Variants in BPI observed in about 807,000 individuals in gnomAD.
BPI encodes bactericidal permeability increasing protein.
Under a neutral mutation model 57.6 loss-of-function variants are expected in BPI, and 48 were observed. That is an observed-to-expected ratio of 0.83 (90% CI 0.66 to 1.06). The LOEUF is 1.06. Among genes scored for constraint, BPI ranks in the 50% least tolerant of loss-of-function variants. The pLI is 0.00. For synonymous variants in BPI, 237 were observed against 238.2 expected (o/e 0.99, Z 0.05); for missense variants, 651 against 609.7 (o/e 1.07, Z -0.71).
intron 3 of BPI, among the ~76,000 whole-genome samples, 163 bp downstream of exon 3, chr20:38,309,221 C>A (rs1169672424): frequency 6.6e-6 from 1 of 152,190 alleles, no homozygotes; most frequent in African/African-American, 2.4e-5. Flanking sequence ...TCAACATAAC[C>A]CTTGATTAAT....
chr20:38,336,903 C>T (rs1003951122), intron 14 of BPI, among the ~76,000 whole-genome samples: 2 of 152,086 alleles, frequency 1.3e-5, no homozygotes, highest in African/African-American at 4.8e-5. Context: ...TAAAACAGCC[C>T]GGGGGGTCTC....
At chr20:38,325,492 G>A (rs531026692) in intron 9 of BPI, among the ~76,000 whole-genome samples, 16 of 152,162 alleles carry the variant, frequency 1.1e-4, no homozygotes, top group East Asian at 1.9e-4. Flanking sequence ...GCATGGTGGC[G>A]GGTGGGAGAG....
chr20:38,321,735 A>C (rs2076686716), intron 7 of BPI: 1 of 152,180 alleles, frequency 6.6e-6, no homozygotes, highest in Non-Finnish European at 1.5e-5. Context: ...AAAAAAAGAG[A>C]GAGAGAGAGA....
chr20:38,317,558 G>A (rs1258555319), intron 5 of BPI: 2 of 688,896 alleles, frequency 2.9e-6, no homozygotes, highest in Non-Finnish European at 2.7e-6. Flanking sequence ...CATTGAGTGG[G>A]TTCTGCACAG....
chr20:38,309,124 C>G, intron 3 of BPI, 66 bp downstream of exon 3: 2 of 1,604,352 alleles, frequency 1.2e-6, no homozygotes, highest in Non-Finnish European at 1.7e-6. Context: ...ATTAGAGAGT[C>G]AGCGTCTCTG....
intron 11 of BPI, among the ~76,000 whole-genome samples, chr20:38,329,277 G>A (rs1035057484): frequency 6.6e-6 from 1 of 152,098 alleles, no homozygotes; most frequent in African/African-American, 2.4e-5. Flanking sequence ...CCCGCAGTTA[G>A]ACCTGGCACC....
intron 4 of BPI, among the ~76,000 whole-genome samples, chr20:38,311,503 T>C (rs752512544): frequency 1.2e-4 from 19 of 152,070 alleles, no homozygotes; most frequent in Non-Finnish European, 2.4e-4. Flanking sequence ...AGGCATTAGT[T>C]AGGGAGGTGT....
Position 38,327,062 on chromosome 20 carries a change from C to T in BPI, c.1162-526C>T, listed in dbSNP as rs189906137. Reference sequence around the variant, plus strand: ...CATCCCTTTGATCACTCCATCACTCCGCAAAGATTTGGTGGCACCCATATG... The same window carrying T: ...CATCCCTTTGATCACTCCATCACTCTGCAAAGATTTGGTGGCACCCATATG... On this transcript the variant is annotated intron_variant, in intron 10 of 14. Transcript: ENST00000642449. Among the ~76,000 whole-genome samples, 1,044 of 152,232 alleles carry T rather than the reference C, an allele frequency of 6.9e-3. 13 individuals are homozygous for T. The highest frequency in any genetic ancestry group is 0.023 in the African/African-American group (957 of 41,536).
At chr20:38,332,237 C>T (rs1226554946) in intron 12 of BPI, among the ~76,000 whole-genome samples, 1 of 152,086 alleles carries the variant, frequency 6.6e-6, no homozygotes, top group African/African-American at 2.4e-5. Context: ...GCGCTGTTTC[C>T]CTGCAGGGAG....
intron 13 of BPI, 112 bp from the exon 14 acceptor site, chr20:38,335,485 AG>A: frequency 2.1e-6 from 2 of 942,194 alleles, no homozygotes; most frequent in Non-Finnish European, 3.4e-6. Flanking sequence ...GTCCCTACCT[AG>A]GGCCAGGCAT....
intron 5 of BPI, among the ~76,000 whole-genome samples, chr20:38,315,957 C>T (rs990148628): frequency 4.6e-5 from 7 of 151,842 alleles, no homozygotes; most frequent in African/African-American, 1.2e-4. Context: ...CTCAGCCTCC[C>T]GAGTAGCTGG....
At chr20:38,324,963 G>A in intron 9 of BPI, 130 bp downstream of exon 9, 1 of 754,500 alleles carries the variant, frequency 1.3e-6, no homozygotes, top group Non-Finnish European at 2.3e-6. Context: ...CAGCATGAAA[G>A]GGTGGAAATA....
chr20:38,319,267 A>G (rs2076668931), intron 6 of BPI, among the ~76,000 whole-genome samples: 2 of 152,054 alleles, frequency 1.3e-5, no homozygotes, highest in Non-Finnish European at 2.9e-5. Flanking sequence ...CAAAAAACAC[A>G]TGAGGAACCT....
intron 5 of BPI, among the ~76,000 whole-genome samples, chr20:38,315,907 A>T (rs1600702864): frequency 6.9e-6 from 1 of 145,702 alleles, no homozygotes; most frequent in African/African-American, 2.6e-5. Context: ...ATCTCAACTC[A>T]CTGCAACCTC....
chr20:38,337,475 G>GA lies in BPI; in HGVS notation c.*299dup, dbSNP rs141864180. 8.4e-5 allele frequency: 27 copies of GA among 322,872 alleles called. No individual in the cohort carries two copies. Among genetic ancestry groups the GA allele is most frequent in the Non-Finnish European group, 1.1e-4 (20 of 180,246 alleles). 20.0% of individuals were successfully genotyped at this position (322,872 alleles called of 1,614,324 possible). A position where few individuals can be genotyped will look rare whatever the true frequency, so the allele number is the denominator to read the frequency against. ...CAAGAAATTTCCATTTGTGCTTCAT[G>GA]AAAAAAAACTTCTGGTTTTTTTCAT... is the stretch of plus-strand genomic sequence containing the variant. On this transcript the variant is annotated 3_prime_UTR_variant, in exon 15 of 15. Transcript: ENST00000642449.
intron 7 of BPI, 140 bp downstream of exon 7, chr20:38,320,414 C>T: frequency 1.3e-6 from 1 of 751,970 alleles, no homozygotes; most frequent in Non-Finnish European, 2.2e-6. Flanking sequence ...CTCCCCGCCT[C>T]TCCCTGCTCC....
intron 5 of BPI, chr20:38,317,737 T>A (rs766118538): frequency 1.5e-4 from 176 of 1,143,848 alleles, no homozygotes; most frequent in Non-Finnish European, 2.2e-4. Flanking sequence ...GAATGGAAAA[T>A]GTAATTTGCC....
At position 38,335,653 on chromosome 20, in the gene BPI, C is replaced by A. The variant is rs5743543; in HGVS notation, c.1392C>A (p.Asn464Lys). The stretch of plus-strand genomic sequence containing the variant: ...CGCCGGCCAGAGTCCAGCTCTACAA[C>A]GTAGTGCTTCAGCCTCACCAGGTGA... ...LPTPARVQLY[N>K]VVLQPHQNFL... Residue 464 changes from asparagine (N) to lysine (K), a missense_variant, in exon 14 of 15, where the codon AAC (asparagine) becomes AAA (lysine). Physicochemically the swap from Asn to Lys is moderately conservative, Grantham distance 94 (BLOSUM62 0). Coordinates refer to ENST00000642449, the MANE Select transcript of BPI (RefSeq NM_001725.3). 6.2e-7 allele frequency: 1 copy of A among 1,614,020 alleles called. No homozygotes were observed. The highest frequency in any genetic ancestry group is 1.3e-5 in the African/African-American group (1 of 74,928).
intron 4 of BPI, 102 bp from the exon 5 acceptor site, chr20:38,311,772 G>C: frequency 2.5e-6 from 3 of 1,218,964 alleles, no homozygotes; most frequent in Non-Finnish European, 3.6e-6. Flanking sequence ...GCCAAAACCT[G>C]TTTCTAGGAG....
Sources: allele counts gnomAD v4.1 joint callset (sites outside exome capture counted in the v4.1 genomes callset), GRCh38; gene constraint gnomAD v4.1.1; transcripts MANE v1.5; gene names NCBI Gene and HGNC (gene_info 2026-07-23, HGNC 2026-07-21).